The following DCAF6 variants were observed in gnomAD, a reference collection of about 807,000 sequenced individuals.
DCAF6 encodes DDB1 and CUL4 associated factor 6, also known as DDB1- and CUL4-associated factor 6.
Under a neutral mutation model 125.1 loss-of-function variants are expected in DCAF6, and 54 were observed. The observed-to-expected ratio is 0.43, with a 90% CI of 0.35 to 0.54. DCAF6 has a LOEUF of 0.54. DCAF6 is among the 20% of genes least tolerant of loss of function. The probability of loss-of-function intolerance (pLI) is 0.01; values close to 1 mark genes in which losing one functional copy is unlikely to be tolerated. For missense variants in DCAF6, 934 were observed against 1,161.7 expected, an observed-to-expected ratio of 0.80 and a Z score of 2.85; for synonymous variants, 371 against 390.4, an observed-to-expected ratio of 0.95 and a Z score of 0.58.
At chr1:168,000,907 A>G (rs1299728525) in intron 7 of DCAF6, among the ~76,000 whole-genome samples, 1 of 152,140 alleles carries the variant, frequency 6.6e-6, no homozygotes, top group East Asian at 1.9e-4. Context: ...CTGGAATTAT[A>G]TAATGATGAC....
At chr1:168,049,267 G>C (rs1025573743) in intron 16 of DCAF6, among the ~76,000 whole-genome samples, 2 of 151,992 alleles carry the variant, frequency 1.3e-5, no homozygotes, top group African/African-American at 4.8e-5. Flanking sequence ...TTTTGAGACA[G>C]GGTCTTGCCC....
At chr1:168,010,823 G>T (rs1684179767) in intron 10 of DCAF6, among the ~76,000 whole-genome samples, 1 of 152,014 alleles carries the variant, frequency 6.6e-6, no homozygotes, top group East Asian at 1.9e-4. Flanking sequence ...GTTAAGCCTA[G>T]AAATGTTTTC....
chr1:167,886,513 G>A, the DCAF6 span, among the ~76,000 whole-genome samples: 1 of 152,108 alleles, frequency 6.6e-6, no homozygotes, highest in African/African-American at 2.4e-5. Flanking sequence ...AGCTGAAACT[G>A]GATCCCTTCC....
chr1:168,002,133 C>T (rs1280179110), intron 7 of DCAF6, among the ~76,000 whole-genome samples: 1 of 152,078 alleles, frequency 6.6e-6, no homozygotes, highest in Non-Finnish European at 1.5e-5. Context: ...TATTTATCAT[C>T]ACAATAGAAA....
chr1:167,969,811 C>T (rs912335010), intron 3 of DCAF6, among the ~76,000 whole-genome samples: 3 of 152,194 alleles, frequency 2.0e-5, no homozygotes, highest in Non-Finnish European at 4.4e-5. Context: ...GAGTCTTGCT[C>T]TGTTGCCCAG....
intron 3 of DCAF6, chr1:167,969,200 T>A (rs1472475061): frequency 1.3e-5 from 2 of 152,144 alleles, no homozygotes; most frequent in African/African-American, 4.8e-5. Context: ...GTCTATTAAT[T>A]TAGGTTATAT....
chr1:168,019,242 A>G (rs1001138257), intron 11 of DCAF6, among the ~76,000 whole-genome samples: 5 of 151,750 alleles, frequency 3.3e-5, no homozygotes, highest in African/African-American at 4.8e-5. Context: ...TAGAGATGGG[A>G]TTTCACCGTG....
At chr1:167,955,381 C>T (rs576978156) in intron 2 of DCAF6, among the ~76,000 whole-genome samples, 2 of 151,906 alleles carry the variant, frequency 1.3e-5, no homozygotes, top group East Asian at 3.9e-4. Flanking sequence ...GTTTAACATT[C>T]CCAGTGTTAG....
the DCAF6 span, among the ~76,000 whole-genome samples, chr1:167,878,021 C>A: frequency 1.3e-5 from 2 of 152,262 alleles, no homozygotes; most frequent in East Asian, 1.9e-4. Flanking sequence ...CTATGCTGAG[C>A]TTTTGGGGAA....
intron 1 of DCAF6, among the ~76,000 whole-genome samples, chr1:167,938,133 C>G (rs973981330): frequency 2.6e-5 from 4 of 152,156 alleles, no homozygotes; most frequent in African/African-American, 9.7e-5. Context: ...GCAAAAATCC[C>G]TTTGATCCCT....
chr1:167,957,052 A>T (rs1329402779), intron 2 of DCAF6, among the ~76,000 whole-genome samples: 2 of 152,144 alleles, frequency 1.3e-5, no homozygotes, highest in East Asian at 3.8e-4. Flanking sequence ...TACAAGCATG[A>T]TGATAAACCT....
chr1:167,905,437 GAACGGCTC>G, the DCAF6 span, among the ~76,000 whole-genome samples: 3 of 152,188 alleles, frequency 2.0e-5, no homozygotes, highest in African/African-American at 7.2e-5. Context: ...GAGGGTAGCT[GAACGGCTC>G]AACTCATTTG....
At chr1:167,869,813 C>T in the DCAF6 span, among the ~76,000 whole-genome samples, 10 of 151,986 alleles carry the variant, frequency 6.6e-5, no homozygotes, top group African/African-American at 2.2e-4. Flanking sequence ...GATTTTGAGA[C>T]GCTAGCCTGC....
Position 167,982,025 on chromosome 1 carries a change from ACCAGCAAC to A in DCAF6, c.439-5469_439-5462del, listed in dbSNP as rs1380244381. Among the ~76,000 whole-genome samples, 8 of 152,206 alleles carry A rather than the reference ACCAGCAAC, an allele frequency of 5.3e-5. No individual in the cohort carries two copies. In the East Asian group the frequency reaches 1.5e-3, roughly 29 times the overall value. On this transcript the variant is annotated intron_variant, in intron 4 of 21. Coordinates refer to ENST00000367840, the MANE Select transcript of DCAF6 (RefSeq NM_001198956.2). ...AGTATTCCTTTTTCTCTGCGGCCTC[ACCAGCAAC>A]TTTTGTTTCTTGACTTTTTAATAAT...
chr1:167,944,896 G>GT (rs565207126), intron 1 of DCAF6, among the ~76,000 whole-genome samples: 21 of 152,240 alleles, frequency 1.4e-4, no homozygotes, highest in Admixed American at 1.3e-3. Context: ...TGATTTTTAT[G>GT]TATTAGTGAG....
intron 7 of DCAF6, among the ~76,000 whole-genome samples, chr1:168,000,290 A>G (rs867617319): frequency 5.3e-5 from 8 of 152,188 alleles, no homozygotes; most frequent in African/African-American, 1.4e-4. Context: ...GATCACCATA[A>G]TAGGTAGGAT....
intron 2 of DCAF6, among the ~76,000 whole-genome samples, chr1:167,958,216 C>T (rs986848325): frequency 3.9e-5 from 6 of 152,234 alleles, no homozygotes; most frequent in Admixed American, 3.3e-4. Flanking sequence ...TGCTTAATCA[C>T]TGGTCGTGAA....
chr1:167,906,380 TA>T, the DCAF6 span, among the ~76,000 whole-genome samples: 615 of 148,164 alleles, frequency 4.2e-3, 6 homozygotes, highest in East Asian at 0.045. Flanking sequence ...AAAAAAAGGG[TA>T]GCATTAAAAA....
chr1:168,049,531 G>A (rs1325416923), intron 16 of DCAF6, among the ~76,000 whole-genome samples: 1 of 148,732 alleles, frequency 6.7e-6, no homozygotes, highest in Non-Finnish European at 1.5e-5. Flanking sequence ...AAGTGCTGGG[G>A]GACTATAGGC....
Sources: allele counts gnomAD v4.1 joint callset (sites outside exome capture counted in the v4.1 genomes callset), GRCh38; gene constraint gnomAD v4.1.1; transcripts MANE v1.5; gene names NCBI Gene and HGNC (gene_info 2026-07-23, HGNC 2026-07-21).